IDO1: variants seen among roughly 807,000 people sequenced by gnomAD.
IDO1 encodes the protein indolamine 2,3 dioxygenase.
A neutral mutation model predicts 38.8 loss-of-function variants in IDO1; 35 were observed. That is an observed-to-expected ratio of 0.90 (90% CI 0.69 to 1.20). The LOEUF is 1.20. IDO1 is among the 50% of genes most tolerant of loss of function. The probability of loss-of-function intolerance (pLI) is 0.00; values close to 1 mark genes in which losing one functional copy is unlikely to be tolerated. For synonymous variants in IDO1, 171 were observed against 170.0 expected (o/e 1.01, Z -0.05); for missense variants, 509 against 485.1 (o/e 1.05, Z -0.46).
At chr8:39,924,659 C>T (rs1019688331) in intron 7 of IDO1, 62 bp from the exon 8 acceptor site, 2 of 1,194,862 alleles carry the variant, frequency 1.7e-6, no homozygotes, top group African/African-American at 3.0e-5. Context: ...TTGTACACAA[C>T]ACCTTGATTT....
chr8:39,919,833 C>T (rs1003653515), intron 4 of IDO1, among the ~76,000 whole-genome samples: 1 of 152,064 alleles, frequency 6.6e-6, no homozygotes, highest in African/African-American at 2.4e-5. Flanking sequence ...GAATGAGACC[C>T]TGTCTCAAAA....
At chr8:39,914,824 G>C (rs979591630) in intron 1 of IDO1, among the ~76,000 whole-genome samples, 12 of 152,118 alleles carry the variant, frequency 7.9e-5, no homozygotes, top group Admixed American at 2.0e-4. Context: ...GGAGTGCAGT[G>C]GCACGATCTC....
chr8:39,919,385 T>C (rs986548997), intron 4 of IDO1, among the ~76,000 whole-genome samples: 2 of 152,188 alleles, frequency 1.3e-5, no homozygotes, highest in Non-Finnish European at 2.9e-5. Flanking sequence ...GTCTGGCTTC[T>C]TTTGATGAGC....
chr8:39,920,039 G>GT, intron 4 of IDO1, 61 bp from the exon 5 acceptor site: 1 of 1,453,020 alleles, frequency 6.9e-7, no homozygotes, highest in Non-Finnish European at 9.7e-7. Flanking sequence ...ATTATTTGAT[G>GT]TTAAATTGGT....
chr8:39,918,417 T>G, intron 3 of IDO1: 2 of 558,008 alleles, frequency 3.6e-6, no homozygotes, highest in Non-Finnish European at 6.3e-6. Context: ...TTTCATCCTG[T>G]ATTTTATCTG....
intron 9 of IDO1, among the ~76,000 whole-genome samples, chr8:39,925,763 A>G (rs1255716670): frequency 1.3e-5 from 2 of 152,102 alleles, no homozygotes; most frequent in Non-Finnish European, 2.9e-5. Flanking sequence ...GGGTGCCTCT[A>G]ATCCCAGCTA....
chr8:39,918,300 C>A, intron 3 of IDO1, 93 bp downstream of exon 3: 2 of 1,285,302 alleles, frequency 1.6e-6, no homozygotes, highest in Non-Finnish European at 1.1e-6. Flanking sequence ...AGCATTATAA[C>A]TGCATCATGC....
At chr8:39,920,826 C>G (rs1807260495) in intron 5 of IDO1, 2 of 147,072 alleles carry the variant, frequency 1.4e-5, no homozygotes, top group Admixed American at 6.8e-5. Context: ...AAGACTCCAT[C>G]TCAAAAAAAA....
chr8:39,917,572 T>C (rs1586209124), intron 1 of IDO1, among the ~76,000 whole-genome samples: 1 of 152,160 alleles, frequency 6.6e-6, no homozygotes, highest in African/African-American at 2.4e-5. Context: ...ATCCATAGAA[T>C]TTATAGTGGA....
At chr8:39,914,095 G>C (rs1410634154) in intron 1 of IDO1, 86 bp downstream of exon 1, 1 of 909,998 alleles carries the variant, frequency 1.1e-6, no homozygotes, top group African/African-American at 1.7e-5. Flanking sequence ...AACAACTGTG[G>C]TTCAGTAACT....
At chr8:39,916,672 T>C (rs1220042342) in intron 1 of IDO1, among the ~76,000 whole-genome samples, 2 of 152,228 alleles carry the variant, frequency 1.3e-5, no homozygotes, top group Non-Finnish European at 2.9e-5. Context: ...GAAAATAATA[T>C]GTTTTCTGAT....
chr8:39,918,231 T>C, intron 3 of IDO1, 24 bp downstream of exon 3: 1 of 1,597,384 alleles, frequency 6.3e-7, no homozygotes, highest in East Asian at 2.3e-5. Flanking sequence ...CTCAGATTTC[T>C]TATGCTATGT....
intron 4 of IDO1, among the ~76,000 whole-genome samples, chr8:39,919,794 C>A (rs1337977777): frequency 1.3e-5 from 2 of 152,060 alleles, no homozygotes; most frequent in African/African-American, 4.8e-5. Flanking sequence ...GAGCCATGTT[C>A]GTGCCACTGC....
intron 1 of IDO1, 43 bp from the exon 2 acceptor site, chr8:39,917,832 A>C: frequency 7.4e-7 from 1 of 1,359,898 alleles, no homozygotes; most frequent in South Asian, 1.2e-5. Context: ...CCAAATCTAC[A>C]ATAACTGCTA....
At chr8:39,922,946 C>A in intron 6 of IDO1, 1 of 350,842 alleles carries the variant, frequency 2.9e-6, no homozygotes, top group Non-Finnish European at 5.2e-6. Flanking sequence ...TTTTGATTAT[C>A]AAAAATAGAA....
chr8:39,922,916 C>T, intron 6 of IDO1: 1 of 451,364 alleles, frequency 2.2e-6, no homozygotes, highest in Non-Finnish European at 3.9e-6. Flanking sequence ...AACTATGATA[C>T]AGTGTCATAA....
At chr8:39,918,957 G>A (rs2129592202) in intron 4 of IDO1, 24 bp downstream of exon 4, 1 of 1,335,894 alleles carries the variant, frequency 7.5e-7, no homozygotes, top group East Asian at 2.3e-5. Context: ...GATAACAACA[G>A]GAATTTTTGG....
chr8:39,928,373 T>C lies in IDO1; in HGVS notation c.*188T>C. ...AAAAGGTAATTATGTGTAATTATAC[T>C]AGAAGTTTTGTAATCTGTATCTTAT... On this transcript the variant is annotated 3_prime_UTR_variant, in exon 10 of 10. Coordinates refer to ENST00000518237, the MANE Select transcript of IDO1 (RefSeq NM_002164.6). The C allele has an allele frequency of 1.9e-6, 1 of 524,512 alleles. No homozygotes were observed. Among genetic ancestry groups the C allele is most frequent in the Non-Finnish European group, 3.4e-6 (1 of 298,056 alleles). 32.5% of individuals were successfully genotyped at this position (524,512 alleles called of 1,614,324 possible).
intron 9 of IDO1, 94 bp from the exon 10 acceptor site, chr8:39,927,736 T>G: frequency 1.5e-6 from 1 of 671,682 alleles, no homozygotes; most frequent in Non-Finnish European, 2.4e-6. Flanking sequence ...GCTATATTGG[T>G]GATCTCCTGC....
Sources: allele counts gnomAD v4.1 joint callset (sites outside exome capture counted in the v4.1 genomes callset), GRCh38; gene constraint gnomAD v4.1.1; transcripts MANE v1.5; gene names NCBI Gene and HGNC (gene_info 2026-07-23, HGNC 2026-07-21).